The following MCPH1 variants were observed in gnomAD, a reference collection of about 807,000 sequenced individuals.
The protein encoded by MCPH1 is microcephalin.
Under a neutral mutation model 84.5 loss-of-function variants are expected in MCPH1, and 104 were observed. The ratio of observed to expected loss-of-function variants is 1.23; its 90% CI spans 1.05 to 1.45. The LOEUF (loss-of-function observed/expected upper bound fraction) is 1.45. Ranked by LOEUF, MCPH1 falls within the 40% of genes most tolerant of loss-of-function variation. The pLI is 0.00. For synonymous variants in MCPH1, 514 were observed against 366.8 expected, an observed-to-expected ratio of 1.40 and a Z score of -4.58; for missense variants, 1,498 against 1,005.7, an observed-to-expected ratio of 1.49 and a Z score of -6.62.
intron 12 of MCPH1, among the ~76,000 whole-genome samples, chr8:6,521,960 G>C (rs967362544): frequency 6.6e-6 from 1 of 152,160 alleles, no homozygotes; most frequent in African/African-American, 2.4e-5. Context: ...CTGCGACTTG[G>C]AACAGTTTAC....
chr8:6,605,210 A>G (rs1829664527), intron 12 of MCPH1, among the ~76,000 whole-genome samples: 1 of 152,112 alleles, frequency 6.6e-6, no homozygotes, highest in African/African-American at 2.4e-5. Flanking sequence ...TGTTGGGGGA[A>G]TTTTATATTC....
At chr8:6,417,041 A>G (rs1362522441) in intron 3 of MCPH1, among the ~76,000 whole-genome samples, 3 of 151,460 alleles carry the variant, frequency 2.0e-5, no homozygotes, top group Non-Finnish European at 4.4e-5. Flanking sequence ...TTTTCTCATT[A>G]TCTTTCACTT....
At chr8:6,533,186 G>T (rs550278451) in intron 12 of MCPH1, among the ~76,000 whole-genome samples, 1 of 152,130 alleles carries the variant, frequency 6.6e-6, no homozygotes, top group South Asian at 2.1e-4. Context: ...ACGTGCCATG[G>T]GCTGGTTCTT....
At chr8:6,586,405 G>A (rs752626942) in intron 12 of MCPH1, among the ~76,000 whole-genome samples, 8 of 152,160 alleles carry the variant, frequency 5.3e-5, no homozygotes, top group East Asian at 1.9e-4. Flanking sequence ...CCCAGGGTCC[G>A]CGCTCTGTCC....
At chr8:6,485,487 C>T (rs1312618669) in intron 11 of MCPH1, among the ~76,000 whole-genome samples, 1 of 152,060 alleles carries the variant, frequency 6.6e-6, no homozygotes, top group South Asian at 2.1e-4. Context: ...TGTACCTATA[C>T]TTCCTGTTAG....
intron 12 of MCPH1, among the ~76,000 whole-genome samples, chr8:6,531,862 A>T (rs1984860): frequency 0.39 from 58,473 of 151,826 alleles, 11,524 homozygotes; most frequent in African/African-American, 0.41. Context: ...TTCTCCATAA[A>T]CTCATTCCAC....
chr8:6,638,597 T>G (rs1797722233), intron 13 of MCPH1, among the ~76,000 whole-genome samples: 1 of 149,894 alleles, frequency 6.7e-6, no homozygotes, highest in Non-Finnish European at 1.5e-5. Flanking sequence ...AAAAAAAAAT[T>G]TTTTTTTTAA....
chr8:6,591,654 G>T (rs1828467389), intron 12 of MCPH1, among the ~76,000 whole-genome samples: 1 of 152,180 alleles, frequency 6.6e-6, no homozygotes, highest in Non-Finnish European at 1.5e-5. Flanking sequence ...GTGGCCCTTA[G>T]AGAAACAAAT....
At chr8:6,415,254 C>T (rs1799102210) in intron 3 of MCPH1, among the ~76,000 whole-genome samples, 1 of 150,576 alleles carries the variant, frequency 6.6e-6, no homozygotes, top group Non-Finnish European at 1.5e-5. Flanking sequence ...ACTCTGGAGG[C>T]AGGAAGTCCA....
intron 12 of MCPH1, among the ~76,000 whole-genome samples, chr8:6,576,047 TTAAA>T (rs1250783619): frequency 0.022 from 3,039 of 138,366 alleles, 108 homozygotes; most frequent in African/African-American, 0.071. Flanking sequence ...TAATACAGCC[TTAAA>T]AAAAAAAAAA....
intron 5 of MCPH1, among the ~76,000 whole-genome samples, chr8:6,437,499 G>T (rs1191020025): frequency 6.6e-6 from 1 of 152,172 alleles, no homozygotes; most frequent in East Asian, 1.9e-4. Flanking sequence ...AAAGTGCTGG[G>T]ATTACAGGCG....
At position 6,596,410 on chromosome 8, in the gene MCPH1, T is replaced by G. The variant is rs181606147; in HGVS notation, c.2215-25044T>G. On this transcript the variant is annotated intron_variant, in intron 12 of 13. Transcript: ENST00000344683. ...ACACAGTAAAGAGATGAAAGGAATT[T>G]TTCTGCTAAGGGAAGTAGCCCCATC... is the stretch of plus-strand genomic sequence containing the variant. Among the ~76,000 whole-genome samples the G allele has an allele frequency of 3.0e-3, 458 of 152,298 alleles. 2 individuals carry two copies. The highest frequency in any genetic ancestry group is 4.5e-3 in the Non-Finnish European group (304 of 68,010).
chr8:6,460,927 C>A (rs1806209839), intron 9 of MCPH1, among the ~76,000 whole-genome samples: 1 of 152,132 alleles, frequency 6.6e-6, no homozygotes, highest in African/African-American at 2.4e-5. Context: ...CAGTGAGGAG[C>A]CTATTTCAAA....
At chr8:6,547,623 C>T (rs1439462729) in intron 12 of MCPH1, among the ~76,000 whole-genome samples, 1 of 152,108 alleles carries the variant, frequency 6.6e-6, no homozygotes, top group Non-Finnish European at 1.5e-5. Flanking sequence ...AGTAGAGGGG[C>T]ACATGTTCCT....
At position 6,513,394 on chromosome 8, in the gene MCPH1, A is replaced by G. The variant is rs923274090; in HGVS notation, c.2214+13465A>G. On this transcript the variant is annotated intron_variant, in intron 12 of 13. Coordinates refer to ENST00000344683, the MANE Select transcript of MCPH1 (RefSeq NM_024596.5). ...GTCGCCCAGGTTGCAGTGCCGTGGC[A>G]CGATCTCGGCTCACTGCAAGCTCCG... Among the ~76,000 whole-genome samples, 9 of 144,732 alleles carry G rather than the reference A, an allele frequency of 6.2e-5. No homozygotes were observed. The East Asian group carries it at 1.8e-3, about 29-fold the overall frequency. The allele number at this position is 144,732 out of a possible 152,430, so 94.9% of individuals were successfully genotyped here. A position where few individuals can be genotyped will look rare whatever the true frequency, so the allele number is the denominator to read the frequency against.
At chr8:6,465,828 A>G (rs1806826813) in intron 9 of MCPH1, among the ~76,000 whole-genome samples, 1 of 152,190 alleles carries the variant, frequency 6.6e-6, no homozygotes, top group Admixed American at 6.5e-5. Flanking sequence ...TTTGTCTTGA[A>G]GGCTAGAATT....
At chr8:6,457,794 G>A (rs2442501) in intron 9 of MCPH1, among the ~76,000 whole-genome samples, 146,070 of 152,182 alleles carry the variant, frequency 0.96, 70,385 homozygotes, top group East Asian at 1. Flanking sequence ...CCCCTCTTTC[G>A]CAGGATTTTC....
chr8:6,548,414 G>T (rs910191004), intron 12 of MCPH1, among the ~76,000 whole-genome samples: 1 of 152,144 alleles, frequency 6.6e-6, no homozygotes, highest in African/African-American at 2.4e-5. Flanking sequence ...TCAGAATTAG[G>T]ATTTTGATCC....
intron 9 of MCPH1, among the ~76,000 whole-genome samples, chr8:6,462,807 G>T (rs534966918): frequency 6.6e-6 from 1 of 152,350 alleles, no homozygotes; most frequent in East Asian, 1.9e-4. Flanking sequence ...AAGAGTTTAA[G>T]ATAGTACCTC....
Sources: allele counts gnomAD v4.1 joint callset (sites outside exome capture counted in the v4.1 genomes callset), GRCh38; gene constraint gnomAD v4.1.1; transcripts MANE v1.5; gene names NCBI Gene and HGNC (gene_info 2026-07-23, HGNC 2026-07-21).